The following TPST1 variants were observed in gnomAD, a reference collection of about 807,000 sequenced individuals.
TPST1 encodes the protein tyrosylprotein sulfotransferase 1, also known as protein-tyrosine sulfotransferase 1.
TPST1 carries 20 observed loss-of-function variants against 34.8 expected under a neutral mutation model. The observed-to-expected ratio is 0.57, with a 90% CI of 0.40 to 0.84. TPST1 has a LOEUF of 0.84. TPST1 is among the 40% of genes least tolerant of loss of function. The pLI, the probability that TPST1 is intolerant of heterozygous loss-of-function variation, is 0.00. For missense variants in TPST1, 353 were observed against 455.5 expected, an observed-to-expected ratio of 0.78 and a Z score of 2.05; for synonymous variants, 152 against 159.4, an observed-to-expected ratio of 0.95 and a Z score of 0.35.
In TPST1 at chr7:66,224,359, G is replaced by A. The variant is rs142648368; in HGVS notation, c.-101-15966G>A. Among the ~76,000 whole-genome samples, 889 of 152,318 alleles carry A rather than the reference G, an allele frequency of 5.8e-3. 4 individuals carry two copies. Among genetic ancestry groups the A allele is most frequent in the African/African-American group, 0.02 (841 of 41,560 alleles). ...GATACAGACTGGACTTTAGTCAGCA[G>A]GCACAGTGGTATTGGCTGTTGCTGT... On this transcript the variant is annotated intron_variant, in intron 1 of 5. Coordinates refer to ENST00000304842, the MANE Select transcript of TPST1 (RefSeq NM_003596.4).
chr7:66,260,288 G>A (rs1361284112), intron 2 of TPST1, among the ~76,000 whole-genome samples: 1 of 152,134 alleles, frequency 6.6e-6, no homozygotes, highest in African/African-American at 2.4e-5. Flanking sequence ...TAGCCTCAAG[G>A]TGATTTTATA....
At chr7:66,228,936 AT>A (rs1403588363) in intron 1 of TPST1, among the ~76,000 whole-genome samples, 1 of 152,170 alleles carries the variant, frequency 6.6e-6, no homozygotes, top group Non-Finnish European at 1.5e-5. Flanking sequence ...ATAAAATAGA[AT>A]TTTTTATGCA....
intron 3 of TPST1, among the ~76,000 whole-genome samples, chr7:66,295,799 T>C (rs1791181018): frequency 6.6e-6 from 1 of 151,978 alleles, no homozygotes; most frequent in Non-Finnish European, 1.5e-5. Flanking sequence ...GCCTGGCTAA[T>C]TTTTTTTAAT....
intron 2 of TPST1, among the ~76,000 whole-genome samples, chr7:66,258,897 G>C (rs1469677372): frequency 6.6e-6 from 1 of 152,070 alleles, no homozygotes; most frequent in Non-Finnish European, 1.5e-5. Context: ...ATATTTCTCA[G>C]GGTTTTTTGT....
rs75976029 is a variant in TPST1, at chr7:66,295,593, C to T, written c.1044+8884C>T. 7.3e-3 allele frequency among the ~76,000 whole-genome samples: 1,118 copies of T among 152,290 alleles called. 15 individuals are homozygous for T. Among genetic ancestry groups the T allele is most frequent in the African/African-American group, 0.024 (992 of 41,566 alleles). On this transcript the variant is annotated intron_variant, in intron 3 of 5. Transcript: ENST00000304842. ...GATTTTTGTTGGTTTTAATAGATTT[C>T]ATTGATTAATGTAATTGAACATTTT... is the stretch of plus-strand genomic sequence containing the variant.
chr7:66,231,870 G>C (rs1789804527), intron 1 of TPST1, among the ~76,000 whole-genome samples: 1 of 152,272 alleles, frequency 6.6e-6, no homozygotes, highest in African/African-American at 2.4e-5. Context: ...GCGAGCAAGG[G>C]CTGTGAGGAC....
intron 1 of TPST1, among the ~76,000 whole-genome samples, chr7:66,206,697 G>A (rs1185030009): frequency 6.6e-6 from 1 of 152,068 alleles, no homozygotes; most frequent in East Asian, 1.9e-4. Flanking sequence ...TTTCTTTTTA[G>A]GAAAGAAAGA....
chr7:66,224,861 C>G (rs1205676377), intron 1 of TPST1, among the ~76,000 whole-genome samples: 1 of 146,114 alleles, frequency 6.8e-6, no homozygotes, highest in East Asian at 2.1e-4. Context: ...TGCTTTTTCT[C>G]TCCCCTGGAG....
intron 1 of TPST1, among the ~76,000 whole-genome samples, chr7:66,215,835 C>G (rs1016221898): frequency 6.9e-6 from 1 of 145,062 alleles, no homozygotes; most frequent in Non-Finnish European, 1.5e-5. Context: ...TGCAGTGGCA[C>G]GATCTCGGCT....
intron 1 of TPST1, among the ~76,000 whole-genome samples, chr7:66,231,690 C>T (rs186262326): frequency 9.2e-5 from 14 of 152,252 alleles, no homozygotes; most frequent in Admixed American, 3.3e-4. Flanking sequence ...GCAAGCACCA[C>T]GGGCAGCACT....
intron 3 of TPST1, among the ~76,000 whole-genome samples, chr7:66,315,341 G>T (rs1322039225): frequency 6.6e-6 from 1 of 152,206 alleles, no homozygotes; most frequent in Non-Finnish European, 1.5e-5. Flanking sequence ...CCACCTACAG[G>T]TGCTGTGTCT....
At chr7:66,233,075 T>C (rs975119353) in intron 1 of TPST1, among the ~76,000 whole-genome samples, 2 of 152,216 alleles carry the variant, frequency 1.3e-5, no homozygotes, top group Admixed American at 6.5e-5. Flanking sequence ...TGTTGAATTG[T>C]AATAGTTTTT....
intron 3 of TPST1, among the ~76,000 whole-genome samples, chr7:66,315,873 G>C (rs1429184442): frequency 6.6e-6 from 1 of 152,166 alleles, no homozygotes; most frequent in Non-Finnish European, 1.5e-5. Flanking sequence ...CACTTTGGGA[G>C]GCCAAAGCAG....
intron 3 of TPST1, among the ~76,000 whole-genome samples, chr7:66,336,906 A>C (rs1792132732): frequency 6.6e-6 from 1 of 152,238 alleles, no homozygotes; most frequent in Non-Finnish European, 1.5e-5. Context: ...TTCAGCAGAT[A>C]TCCCAGCAGA....
intron 2 of TPST1, among the ~76,000 whole-genome samples, chr7:66,259,908 C>G (rs948545868): frequency 1.1e-4 from 17 of 152,190 alleles, no homozygotes; most frequent in Non-Finnish European, 2.4e-4. Flanking sequence ...CCGTGTTCCC[C>G]CTATTTATCC....
chr7:66,253,168 A>T (rs978294078), intron 2 of TPST1, among the ~76,000 whole-genome samples: 1 of 152,162 alleles, frequency 6.6e-6, no homozygotes, highest in Non-Finnish European at 1.5e-5. Context: ...AGTAATCTAG[A>T]GATGATTTAA....
intron 1 of TPST1, among the ~76,000 whole-genome samples, chr7:66,226,864 G>C (rs1789666350): frequency 6.6e-6 from 1 of 151,862 alleles, no homozygotes; most frequent in African/African-American, 2.4e-5. Flanking sequence ...GGTGAGGGGT[G>C]CCTTCTCAAT....
At chr7:66,334,372 A>T (rs1467048859) in intron 3 of TPST1, among the ~76,000 whole-genome samples, 1 of 151,986 alleles carries the variant, frequency 6.6e-6, no homozygotes, top group Non-Finnish European at 1.5e-5. Context: ...GCGGTGGCTC[A>T]CTCCTGTAAT....
rs1177912151 is a variant in TPST1 at position 66,240,845 on chromosome 7, C to T, written c.420C>T (p.Ala140=). 21 of 1,614,200 alleles carry T rather than the reference C, an allele frequency of 1.3e-5. No individual in the cohort carries two copies. Among genetic ancestry groups the T allele is most frequent in the Non-Finnish European group, 1.8e-5 (21 of 1,180,048 alleles). The part of the protein sequence containing the change: ...TDEVLDSAMQ[A]FLLEIIVKHG... ...AAGTGCTGGATTCTGCCATGCAAGC[C>T]TTCTTACTAGAAATTATCGTTAAGC... The change falls in exon 2 of 6, where the codon GCC becomes GCT. Residue 140 remains alanine, a synonymous_variant. Transcript: ENST00000304842.
Sources: gnomAD v4.1 joint callset for allele counts (sites outside exome capture counted in the v4.1 genomes callset) on GRCh38, gnomAD v4.1.1 for gene constraint, MANE v1.5 for transcripts, NCBI Gene and HGNC (gene_info 2026-07-23, HGNC 2026-07-21) for gene names.